ZNF660: variants seen among roughly 807,000 people sequenced by gnomAD.
The protein encoded by ZNF660 is zinc finger protein 660.
Under a neutral mutation model 23.2 loss-of-function variants are expected in ZNF660, and 24 were observed. That is an observed-to-expected ratio of 1.04 (90% CI 0.75 to 1.46). ZNF660 has a LOEUF of 1.46. Among genes scored for constraint, ZNF660 ranks in the 40% most tolerant of loss-of-function variants. ZNF660 has a pLI of 0.00. For missense variants in ZNF660, 373 were observed against 396.8 expected (o/e 0.94, Z 0.51); for synonymous variants, 117 against 131.4 (o/e 0.89, Z 0.75).
rs1293001487 is a variant in ZNF660, at chr3:44,596,312, AC to A, written c.*1125del. On this transcript the variant is annotated 3_prime_UTR_variant, in exon 3 of 3. Transcript: ENST00000322734. The stretch of plus-strand genomic sequence containing the variant: ...GTGTGTAAAAAAGGAACAATTACCT[AC>A]CTTACAAGGTTGTTGTGAGGATTAA... 6.6e-6 allele frequency: 1 copy of A among 152,164 alleles called. No homozygotes were observed. Among genetic ancestry groups the A allele is most frequent in the Non-Finnish European group, 1.5e-5 (1 of 68,024 alleles). 9.4% of individuals were successfully genotyped at this position (152,164 alleles called of 1,614,324 possible). A position where few individuals can be genotyped will look rare whatever the true frequency, so the allele number is the denominator to read the frequency against.
chr3:44,591,534 T>C (rs1700427015), intron 2 of ZNF660, among the ~76,000 whole-genome samples: 1 of 152,166 alleles, frequency 6.6e-6, no homozygotes, highest in Non-Finnish European at 1.5e-5. Flanking sequence ...TATATTTTAA[T>C]AGGAAGAAAA....
chr3:44,594,563 C>T lies in ZNF660; in HGVS notation c.370C>T (p.His124Tyr). The T allele has an allele frequency of 6.2e-7, 1 of 1,613,956 alleles. No individual in the cohort carries two copies. Among genetic ancestry groups the T allele is most frequent in the Non-Finnish European group, 8.5e-7 (1 of 1,179,994 alleles). ...CAGTGGAAAGTCACATCTTATTCGG[C>T]ACCAGGGAATCCACAGTGGGGAGAA... ...SFSGKSHLIR[H>Y]QGIHSGEKTY... Residue 124 changes from histidine to tyrosine, a missense_variant, in exon 3 of 3, where the codon CAC becomes TAC. Coordinates refer to ENST00000322734, the MANE Select transcript of ZNF660 (RefSeq NM_173658.4).
chr3:44,589,959 C>CTTTTTTT (rs397876489), intron 2 of ZNF660, among the ~76,000 whole-genome samples: 3 of 102,992 alleles, frequency 2.9e-5, no homozygotes, highest in African/African-American at 3.9e-5. Flanking sequence ...AACCCTGTGC[C>CTTTTTTT]TTTTTTTTTT....
chr3:44,585,249 T>A (rs568452751), intron 1 of ZNF660, among the ~76,000 whole-genome samples: 69 of 152,276 alleles, frequency 4.5e-4, no homozygotes, highest in Non-Finnish European at 8.4e-4. Context: ...GACAGCACTG[T>A]GTCGTCCCCG....
At position 44,594,431 on chromosome 3, in the gene ZNF660, T is replaced by C. The variant is rs1331378766; in HGVS notation, c.238T>C (p.Cys80Arg). 6 of 1,613,818 alleles carry C rather than the reference T, an allele frequency of 3.7e-6. No individual in the cohort carries two copies. Among genetic ancestry groups the C allele is most frequent in the Non-Finnish European group, 5.1e-6 (6 of 1,179,980 alleles). ...RIHTGEKPYK[C>R]KECGKAFSHS... is the part of the protein sequence containing the mutation. The stretch of plus-strand genomic sequence containing the variant: ...CCACACGGGAGAGAAACCCTATAAG[T>C]GTAAGGAGTGTGGAAAAGCTTTCAG... Residue 80 changes from cysteine (C) to arginine (R), a missense_variant, in exon 3 of 3, where the codon TGT becomes CGT. Coordinates refer to ENST00000322734, the MANE Select transcript of ZNF660 (RefSeq NM_173658.4).
Position 44,594,156 on chromosome 3 carries a change from G to A in ZNF660, c.-38G>A. 2.5e-6 allele frequency: 4 copies of A among 1,611,298 alleles called. No homozygotes were observed. The highest frequency in any genetic ancestry group is 3.4e-6 in the Non-Finnish European group (4 of 1,178,992). ...AAGGCTCCTCTGAAGGGAAAGAGAA[G>A]ACTAGAGAGGACACTGGTATGTTCC... is the stretch of plus-strand genomic sequence containing the variant. On this transcript the variant is annotated 5_prime_UTR_variant, in exon 3 of 3. Coordinates refer to ENST00000322734, the MANE Select transcript of ZNF660 (RefSeq NM_173658.4).
In ZNF660 at chr3:44,595,272, AG is replaced by A; in HGVS notation, c.*84del. ...AGTATCAACTTTAATTCTACTTCTA[AG>A]AATCATACTCTACTTCTAAGAAAAT... On this transcript the variant is annotated 3_prime_UTR_variant, in exon 3 of 3. Coordinates refer to ENST00000322734, the MANE Select transcript of ZNF660 (RefSeq NM_173658.4). The A allele has an allele frequency of 1.4e-6, 2 of 1,407,446 alleles. No individual in the cohort carries two copies. The highest frequency in any genetic ancestry group is 1.9e-6 in the Non-Finnish European group (2 of 1,047,700). 87.2% of individuals were successfully genotyped at this position (1,407,446 alleles called of 1,614,324 possible). A position where few individuals can be genotyped will look rare whatever the true frequency, so the allele number is the denominator to read the frequency against.
chr3:44,593,756 A>G (rs909982244), intron 2 of ZNF660, among the ~76,000 whole-genome samples: 2 of 151,538 alleles, frequency 1.3e-5, no homozygotes, highest in African/African-American at 4.9e-5. Flanking sequence ...ATGAGGCAGG[A>G]AGGAACTAGG....
At chr3:44,590,153 A>C (rs1700367662) in intron 2 of ZNF660, among the ~76,000 whole-genome samples, 1 of 150,086 alleles carries the variant, frequency 6.7e-6, no homozygotes, top group South Asian at 2.1e-4. Flanking sequence ...TTTCCATACT[A>C]CTCCATTGTA....
intron 2 of ZNF660, among the ~76,000 whole-genome samples, chr3:44,591,929 C>T (rs1017959408): frequency 2.0e-5 from 3 of 152,086 alleles, no homozygotes; most frequent in African/African-American, 7.2e-5. Context: ...ATCCAGGAGG[C>T]GGAGGTTGTA....
chr3:44,588,315 A>G (rs1559439726), intron 2 of ZNF660, among the ~76,000 whole-genome samples: 1 of 152,120 alleles, frequency 6.6e-6, no homozygotes, highest in Non-Finnish European at 1.5e-5. Context: ...ACGAGAACTC[A>G]CTATCACAAG....
rs1228666081 is a variant in ZNF660, at chr3:44,598,868, A to C, written c.*3679A>C. On this transcript the variant is annotated 3_prime_UTR_variant, in exon 3 of 3. Coordinates refer to ENST00000322734, the MANE Select transcript of ZNF660 (RefSeq NM_173658.4). ...CTTAGCTCTAATCAGTCATGGTTGC[A>C]TACACACGTAGTCCTAGGTACTCAG... 6.6e-6 allele frequency: 1 copy of C among 152,194 alleles called. No homozygotes were observed. Among genetic ancestry groups the C allele is most frequent in the African/African-American group, 2.4e-5 (1 of 41,412 alleles). 9.4% of individuals were successfully genotyped at this position (152,194 alleles called of 1,614,324 possible). A position where few individuals can be genotyped will look rare whatever the true frequency, so the allele number is the denominator to read the frequency against.
intron 2 of ZNF660, among the ~76,000 whole-genome samples, chr3:44,590,410 G>A (rs1474525467): frequency 6.6e-6 from 1 of 152,120 alleles, no homozygotes; most frequent in Non-Finnish European, 1.5e-5. Flanking sequence ...TGTGGAGAGA[G>A]GGAGAGCATG....
intron 2 of ZNF660, among the ~76,000 whole-genome samples, chr3:44,587,968 T>C (rs1700283565): frequency 6.6e-6 from 1 of 152,102 alleles, no homozygotes; most frequent in Non-Finnish European, 1.5e-5. Flanking sequence ...GGCAGAGGAA[T>C]CACTTGAACC....
rs2125755216 is a variant in ZNF660 at position 44,595,355 on chromosome 3, C to T, written c.*166C>T. 1 of 724,458 alleles carries T rather than the reference C, an allele frequency of 1.4e-6. No individual in the cohort carries two copies. The highest frequency in any genetic ancestry group is 3.9e-5 in the South Asian group (1 of 25,604). The allele number at this position is 724,458 out of a possible 1,614,324, so 44.9% of individuals were successfully genotyped here. On this transcript the variant is annotated 3_prime_UTR_variant, in exon 3 of 3. Transcript: ENST00000322734. ...ATGTTCATGACAGCATCATATACGA[C>T]TGAAAGAAGAAAACTAGATTTTCAA... is the stretch of plus-strand genomic sequence containing the variant.
chr3:44,593,095 A>T (rs1348208647), intron 2 of ZNF660, among the ~76,000 whole-genome samples: 1 of 151,650 alleles, frequency 6.6e-6, no homozygotes, highest in African/African-American at 2.4e-5. Context: ...GCCAGCCCCT[A>T]TGAAGTAGGC....
rs548747225 is a variant in ZNF660, at chr3:44,586,128, T to G, written c.-266T>G. On this transcript the variant is annotated 5_prime_UTR_variant, in exon 2 of 3. Transcript: ENST00000322734. Reference sequence around the variant, plus strand: ...AGTGACTCAAGACCCTCTTAGGAACTTCTTCACTGAACTCAAGGAGGAGAT... The same window carrying G: ...AGTGACTCAAGACCCTCTTAGGAACGTCTTCACTGAACTCAAGGAGGAGAT... 11 of 152,346 alleles carry G rather than the reference T, an allele frequency of 7.2e-5. No individual in the cohort carries two copies. Among genetic ancestry groups the G allele is most frequent in the African/African-American group, 2.6e-4 (11 of 41,582 alleles). The allele number at this position is 152,346 out of a possible 1,614,324, so 9.4% of individuals were successfully genotyped here.
At chr3:44,590,159 T>C (rs1304319021) in intron 2 of ZNF660, among the ~76,000 whole-genome samples, 1 of 151,998 alleles carries the variant, frequency 6.6e-6, no homozygotes, top group Non-Finnish European at 1.5e-5. Flanking sequence ...TACTACTCCA[T>C]TGTAAGCTCT....
chr3:44,586,386 G>C (rs1700225996), intron 2 of ZNF660, 173 bp downstream of exon 2: 2 of 152,242 alleles, frequency 1.3e-5, no homozygotes, highest in South Asian at 2.1e-4. Context: ...TTGAGGAGTA[G>C]AGTTTTGTTT....
Sources: allele counts gnomAD v4.1 joint callset (sites outside exome capture counted in the v4.1 genomes callset), GRCh38; gene constraint gnomAD v4.1.1; transcripts MANE v1.5; gene names NCBI Gene and HGNC (gene_info 2026-07-23, HGNC 2026-07-21).